Variants in GPSM2 observed in about 807,000 individuals in gnomAD.
The protein encoded by GPSM2 is G protein signaling modulator 2.
GPSM2 carries 58 observed loss-of-function variants against 78.4 expected under a neutral mutation model. That is an observed-to-expected ratio of 0.74 (90% CI 0.60 to 0.92). GPSM2 has a LOEUF of 0.92. GPSM2 is among the 40% of genes least tolerant of loss of function. The pLI, the probability that GPSM2 is intolerant of heterozygous loss-of-function variation, is 0.00. For synonymous variants in GPSM2, 224 were observed against 280.2 expected, an observed-to-expected ratio of 0.80 and a Z score of 2.00; for missense variants, 700 against 815.5, an observed-to-expected ratio of 0.86 and a Z score of 1.73.
At chr1:108,897,708 A>G in intron 4 of GPSM2, 81 bp downstream of exon 4, 2 of 1,246,352 alleles carry the variant, frequency 1.6e-6, no homozygotes, top group Non-Finnish European at 1.1e-6. Flanking sequence ...ATTATTCTAT[A>G]GTTTATTTTA....
chr1:108,892,867 C>T lies in GPSM2; in HGVS notation c.57-3997C>T, dbSNP rs181790263. Among the ~76,000 whole-genome samples the T allele has an allele frequency of 5.6e-3, 852 of 152,256 alleles. 5 individuals are homozygous for T. Among genetic ancestry groups the T allele is most frequent in the Non-Finnish European group, 9.3e-3 (635 of 68,012 alleles). ...ATTTTCTAATAAAATACACCAGAGC[C>T]TGAATCTATCTAAGAATTAATCATA... is the stretch of plus-strand genomic sequence containing the variant. On this transcript the variant is annotated intron_variant, in intron 2 of 14. Coordinates refer to ENST00000264126, the MANE Select transcript of GPSM2 (RefSeq NM_013296.5).
chr1:108,931,405 A>C lies in GPSM2; in HGVS notation c.*1465A>C. The stretch of plus-strand genomic sequence containing the variant: ...GGGACAGACTGGGACCTGGAGTAAC[A>C]CTGGATCACAGACTGCAAAGGCCCA... On this transcript the variant is annotated 3_prime_UTR_variant, in exon 15 of 15. Transcript: ENST00000264126. 6.4e-7 allele frequency: 1 copy of C among 1,551,128 alleles called. No individual in the cohort carries two copies. Among genetic ancestry groups the C allele is most frequent in the Non-Finnish European group, 8.7e-7 (1 of 1,147,120 alleles).
At chr1:108,894,568 C>T (rs1648212781) in intron 2 of GPSM2, among the ~76,000 whole-genome samples, 1 of 152,062 alleles carries the variant, frequency 6.6e-6, no homozygotes, top group South Asian at 2.1e-4. Context: ...CATGATGGCA[C>T]ATGACTGTAA....
At chr1:108,905,313 C>T (rs1649131792) in intron 10 of GPSM2, among the ~76,000 whole-genome samples, 1 of 152,172 alleles carries the variant, frequency 6.6e-6, no homozygotes, top group Admixed American at 6.5e-5. Context: ...CCTTTGTTCG[C>T]TCTTATAACA....
intron 1 of GPSM2, among the ~76,000 whole-genome samples, chr1:108,884,523 A>G (rs963503081): frequency 6.6e-6 from 1 of 152,228 alleles, no homozygotes; most frequent in African/African-American, 2.4e-5. Context: ...ATAAAACTAA[A>G]TGGTATCTTA....
chr1:108,911,149 C>G (rs1376993073), intron 10 of GPSM2, among the ~76,000 whole-genome samples: 1 of 152,054 alleles, frequency 6.6e-6, no homozygotes, highest in Non-Finnish European at 1.5e-5. Context: ...ATAGAAGATT[C>G]ATCATGCAAA....
At position 108,931,183 on chromosome 1, in the gene GPSM2, T is replaced by C. The variant is rs1651888785; in HGVS notation, c.*1243T>C. 1.1e-6 allele frequency: 1 copy of C among 904,826 alleles called. No individual in the cohort carries two copies. Among genetic ancestry groups the C allele is most frequent in the Non-Finnish European group, 1.6e-6 (1 of 639,952 alleles). The allele number at this position is 904,826 out of a possible 1,614,324, so 56.0% of individuals were successfully genotyped here. A position where few individuals can be genotyped will look rare whatever the true frequency, so the allele number is the denominator to read the frequency against. ...ATATAAAAACAAAAAACAAAACCCA[T>C]GTGGTTAGGTCAAGAACCTAGGACA... On this transcript the variant is annotated 3_prime_UTR_variant, in exon 15 of 15. Coordinates refer to ENST00000264126, the MANE Select transcript of GPSM2 (RefSeq NM_013296.5).
chr1:108,915,461 T>A (rs1422932196), intron 11 of GPSM2, among the ~76,000 whole-genome samples: 1 of 150,890 alleles, frequency 6.6e-6, no homozygotes, highest in Non-Finnish European at 1.5e-5. Flanking sequence ...GGAGTCTCGC[T>A]CTTTGGCCAG....
intron 10 of GPSM2, among the ~76,000 whole-genome samples, chr1:108,912,577 TAA>T (rs34266985): frequency 0.013 from 1,447 of 108,666 alleles, 21 homozygotes; most frequent in African/African-American, 0.045. Flanking sequence ...CCTGTCTGTA[TAA>T]AAAAAAAAAA....
intron 14 of GPSM2, among the ~76,000 whole-genome samples, chr1:108,925,547 G>A (rs1651055544): frequency 6.6e-6 from 1 of 152,154 alleles, no homozygotes; most frequent in African/African-American, 2.4e-5. Context: ...GGGGTGGGGT[G>A]TGGTGTGGTG....
intron 2 of GPSM2, among the ~76,000 whole-genome samples, chr1:108,886,357 T>A (rs1172049423): frequency 6.6e-6 from 1 of 152,254 alleles, no homozygotes; most frequent in Non-Finnish European, 1.5e-5. Flanking sequence ...CATTTTGTGT[T>A]GTTTTGCTGA....
At chr1:108,914,271 T>C (rs1001796841) in intron 10 of GPSM2, 67 bp from the exon 11 acceptor site, 7 of 1,024,128 alleles carry the variant, frequency 6.8e-6, no homozygotes, top group Middle Eastern at 2.1e-4. Flanking sequence ...CTGAATAATG[T>C]AATGATGCTG....
At chr1:108,910,847 A>G (rs999493021) in intron 10 of GPSM2, among the ~76,000 whole-genome samples, 1 of 151,340 alleles carries the variant, frequency 6.6e-6, no homozygotes, top group African/African-American at 2.4e-5. Context: ...TGGGCGACAG[A>G]GAGAGACTCC....
chr1:108,926,782 A>G (rs1039986281), intron 14 of GPSM2: 10 of 152,244 alleles, frequency 6.6e-5, no homozygotes, highest in African/African-American at 2.4e-4. Context: ...CAATGGTGAC[A>G]GACTGAAAGC....
chr1:108,904,984 A>G (rs900766527), intron 10 of GPSM2, among the ~76,000 whole-genome samples: 3 of 152,218 alleles, frequency 2.0e-5, no homozygotes, highest in Non-Finnish European at 4.4e-5. Context: ...CAGTCTAAAA[A>G]AAACTACTGA....
intron 11 of GPSM2, among the ~76,000 whole-genome samples, chr1:108,914,871 A>G (rs1183492481): frequency 2.6e-5 from 4 of 152,186 alleles, no homozygotes; most frequent in Non-Finnish European, 4.4e-5. Flanking sequence ...TATGATCAAG[A>G]GGAGAGTTGT....
At chr1:108,900,392 C>T (rs879806288) in intron 7 of GPSM2, among the ~76,000 whole-genome samples, 1 of 152,130 alleles carries the variant, frequency 6.6e-6, no homozygotes, top group African/African-American at 2.4e-5. Context: ...GTGTCTGCCA[C>T]CACGCCCAGC....
intron 14 of GPSM2, 66 bp downstream of exon 14, chr1:108,924,280 A>G (rs187419798): frequency 7.4e-5 from 72 of 969,576 alleles, no homozygotes; most frequent in Non-Finnish European, 1.1e-4. Context: ...TGGTAGTGTT[A>G]TAATTCTCAT....
chr1:108,905,512 C>A (rs1293960773), intron 10 of GPSM2, among the ~76,000 whole-genome samples: 1 of 152,110 alleles, frequency 6.6e-6, no homozygotes, highest in Non-Finnish European at 1.5e-5. Context: ...CAATCATTCC[C>A]TTCTGAGAAA....
Sources: allele counts gnomAD v4.1 joint callset (sites outside exome capture counted in the v4.1 genomes callset), GRCh38; gene constraint gnomAD v4.1.1; transcripts MANE v1.5; gene names NCBI Gene and HGNC (gene_info 2026-07-23, HGNC 2026-07-21).